Variants in L3MBTL4 observed in about 807,000 individuals in gnomAD.
The protein encoded by L3MBTL4 is L3MBTL histone methyl-lysine binding protein 4.
In L3MBTL4, 70 loss-of-function variants were observed where a neutral mutation model predicts 84.5. The observed-to-expected ratio is 0.83, with a 90% CI of 0.68 to 1.01. L3MBTL4 has a LOEUF of 1.01. Among genes scored for constraint, L3MBTL4 ranks in the 50% least tolerant of loss-of-function variants. The probability of loss-of-function intolerance (pLI) is 0.00; values close to 1 mark genes in which losing one functional copy is unlikely to be tolerated. For missense variants in L3MBTL4, 715 were observed against 754.8 expected (o/e 0.95, Z 0.62); for synonymous variants, 274 against 259.8 (o/e 1.05, Z -0.52).
At chr18:6,189,596 T>C (rs2145488569) in intron 12 of L3MBTL4, among the ~76,000 whole-genome samples, 1 of 152,086 alleles carries the variant, frequency 6.6e-6, no homozygotes, top group South Asian at 2.1e-4. Flanking sequence ...ATGTTAAAAC[T>C]AGCAAAAAAG....
intron 12 of L3MBTL4, among the ~76,000 whole-genome samples, chr18:6,178,945 C>T (rs2044345257): frequency 6.6e-6 from 1 of 152,184 alleles, no homozygotes; most frequent in Admixed American, 6.6e-5. Context: ...TCCCATGGCA[C>T]TTAGCCCTGT....
At chr18:6,336,007 C>T (rs886154338) in intron 1 of L3MBTL4, among the ~76,000 whole-genome samples, 4 of 152,098 alleles carry the variant, frequency 2.6e-5, no homozygotes, top group Admixed American at 1.3e-4. Context: ...TAGTAGTTAA[C>T]GGTTCAAAAG....
At chr18:6,402,157 C>G (rs996932966) in intron 1 of L3MBTL4, among the ~76,000 whole-genome samples, 1 of 152,210 alleles carries the variant, frequency 6.6e-6, no homozygotes, top group Non-Finnish European at 1.5e-5. Context: ...TGTATACATT[C>G]AGATTATTTT....
intron 16 of L3MBTL4, among the ~76,000 whole-genome samples, chr18:5,976,080 T>C (rs1353637217): frequency 6.6e-6 from 1 of 152,202 alleles, no homozygotes; most frequent in African/African-American, 2.4e-5. Flanking sequence ...ATGAAGAGCC[T>C]TGGATGCCCC....
At chr18:5,978,882 T>C (rs1209967312) in intron 16 of L3MBTL4, among the ~76,000 whole-genome samples, 3 of 152,178 alleles carry the variant, frequency 2.0e-5, no homozygotes, top group Non-Finnish European at 4.4e-5. Flanking sequence ...CAGGTCTGCG[T>C]GCTGCTCTCT....
chr18:6,142,577 C>G (rs1473540575), intron 13 of L3MBTL4, among the ~76,000 whole-genome samples: 1 of 151,988 alleles, frequency 6.6e-6, no homozygotes, highest in Non-Finnish European at 1.5e-5. Flanking sequence ...TTGGAAACAG[C>G]TTTTTTTAAA....
chr18:6,168,340 A>G (rs1256773370), intron 13 of L3MBTL4, among the ~76,000 whole-genome samples: 1 of 152,160 alleles, frequency 6.6e-6, no homozygotes, highest in Non-Finnish European at 1.5e-5. Flanking sequence ...TAAAGTTCAT[A>G]TGGAACCAAA....
At chr18:6,268,146 C>T (rs150601872) in intron 4 of L3MBTL4, among the ~76,000 whole-genome samples, 1,916 of 152,316 alleles carry the variant, frequency 0.013, 38 homozygotes, top group African/African-American at 0.043. Context: ...TGGCTCACAC[C>T]TGTAATCCCA....
At chr18:5,984,830 T>C (rs1169703542) in intron 16 of L3MBTL4, among the ~76,000 whole-genome samples, 1 of 152,226 alleles carries the variant, frequency 6.6e-6, no homozygotes, top group Non-Finnish European at 1.5e-5. Flanking sequence ...TACGTGTCTT[T>C]AGGAGTATTT....
chr18:6,150,367 G>T (rs2042840256), intron 13 of L3MBTL4, among the ~76,000 whole-genome samples: 1 of 151,966 alleles, frequency 6.6e-6, no homozygotes, highest in Non-Finnish European at 1.5e-5. Flanking sequence ...AAGTTCTCAT[G>T]ACCAGTAAGC....
chr18:6,334,270 G>A (rs6506378), intron 1 of L3MBTL4, among the ~76,000 whole-genome samples: 25,260 of 152,050 alleles, frequency 0.17, 2,450 homozygotes, highest in African/African-American at 0.26. Flanking sequence ...CATCACATGC[G>A]GAATGCATGT....
chr18:6,235,202 G>A (rs1312035425), intron 10 of L3MBTL4, among the ~76,000 whole-genome samples: 1 of 152,058 alleles, frequency 6.6e-6, no homozygotes, highest in Non-Finnish European at 1.5e-5. Context: ...ATAGCATTAG[G>A]AGAAATACCT....
chr18:6,183,842 A>C (rs891085554), intron 12 of L3MBTL4, among the ~76,000 whole-genome samples: 5 of 152,228 alleles, frequency 3.3e-5, no homozygotes, highest in Admixed American at 3.3e-4. Context: ...TGAGACTGCT[A>C]TAAACATTCA....
At chr18:6,392,394 C>CA (rs1446070862) in intron 1 of L3MBTL4, among the ~76,000 whole-genome samples, 1 of 152,092 alleles carries the variant, frequency 6.6e-6, no homozygotes, top group African/African-American at 2.4e-5. Flanking sequence ...ACTAAAAATA[C>CA]AAAAATTAGC....
intron 16 of L3MBTL4, among the ~76,000 whole-genome samples, chr18:6,040,772 C>A (rs916782021): frequency 1.3e-5 from 2 of 152,128 alleles, no homozygotes; most frequent in African/African-American, 4.8e-5. Flanking sequence ...GTGGCAAGCC[C>A]CTAAACCATC....
intron 12 of L3MBTL4, among the ~76,000 whole-genome samples, chr18:6,198,738 A>T (rs1321997957): frequency 6.6e-6 from 1 of 152,212 alleles, no homozygotes; most frequent in Non-Finnish European, 1.5e-5. Context: ...GGGACAGTGT[A>T]ATCACTGTCT....
intron 1 of L3MBTL4, among the ~76,000 whole-genome samples, chr18:6,408,454 T>C (rs1334150374): frequency 1.3e-5 from 2 of 152,260 alleles, no homozygotes; most frequent in Admixed American, 1.3e-4. Context: ...TATCCTAAGA[T>C]ATTTAAACCA....
intron 1 of L3MBTL4, among the ~76,000 whole-genome samples, chr18:6,323,519 C>A (rs982584926): frequency 1.3e-5 from 2 of 152,216 alleles, no homozygotes; most frequent in African/African-American, 4.8e-5. Flanking sequence ...TTGTTAAGCA[C>A]TAGCGAAGAG....
chr18:6,341,083 C>G (rs2052587162), intron 1 of L3MBTL4, among the ~76,000 whole-genome samples: 1 of 152,072 alleles, frequency 6.6e-6, no homozygotes, highest in African/African-American at 2.4e-5. Flanking sequence ...TCTAGAGAGT[C>G]TCACTAACGA....
Sources: gnomAD v4.1 joint callset for allele counts (sites outside exome capture counted in the v4.1 genomes callset) on GRCh38, gnomAD v4.1.1 for gene constraint, MANE v1.5 for transcripts, NCBI Gene and HGNC (gene_info 2026-07-23, HGNC 2026-07-21) for gene names.